Variants in FAM184B observed in about 807,000 individuals in gnomAD.
FAM184B encodes family with sequence similarity 184 member B.
Under a neutral mutation model 135.9 loss-of-function variants are expected in FAM184B, and 111 were observed. The observed-to-expected ratio is 0.82, with a 90% CI of 0.70 to 0.96. The LOEUF (loss-of-function observed/expected upper bound fraction) is 0.96. Ranked by LOEUF, FAM184B falls within the 40% of genes least tolerant of loss-of-function variation. The pLI, the probability that FAM184B is intolerant of heterozygous loss-of-function variation, is 0.00. For synonymous variants in FAM184B, 552 were observed against 524.8 expected (o/e 1.05, Z -0.71); for missense variants, 1,375 against 1,323.9 (o/e 1.04, Z -0.60).
chr4:17,690,049 G>A (rs1716694695), intron 6 of FAM184B, among the ~76,000 whole-genome samples: 1 of 152,048 alleles, frequency 6.6e-6, no homozygotes, highest in African/African-American at 2.4e-5. Context: ...TTGGGAGGCT[G>A]AGGCAGAAGA....
intron 3 of FAM184B, 92 bp from the exon 4 acceptor site, chr4:17,705,983 C>A: frequency 6.7e-7 from 1 of 1,488,656 alleles, no homozygotes. Context: ...TTCCGCTTTA[C>A]AACCACTTTG....
chr4:17,675,670 AGCC>A (rs1716295218), intron 7 of FAM184B, among the ~76,000 whole-genome samples: 4 of 152,232 alleles, frequency 2.6e-5, no homozygotes, highest in Admixed American at 2.6e-4. Context: ...TGTTTAAGTT[AGCC>A]GTTTTCATCA....
At position 17,632,043 on chromosome 4, in the gene FAM184B, A is replaced by ATTTTTTTTTTTTTTTTTTTTT. The variant is rs199549580; in HGVS notation, c.*468_*488dup. ...TTTTAATAACACTGGTTTAATGTCA[A>ATTTTTTTTTTTTTTTTTTTTT]TTTTTTTTTTTTTTTTTTTTTTTTT... On this transcript the variant is annotated 3_prime_UTR_variant, in exon 18 of 18. Transcript: ENST00000265018. 13 of 117,618 alleles carry ATTTTTTTTTTTTTTTTTTTTT rather than the reference A, an allele frequency of 1.1e-4. No individual in the cohort carries two copies. The highest frequency in any genetic ancestry group is 1.6e-4 in the Non-Finnish European group (9 of 56,560). 7.3% of individuals were successfully genotyped at this position (117,618 alleles called of 1,614,324 possible). A position where few individuals can be genotyped will look rare whatever the true frequency, so the allele number is the denominator to read the frequency against.
intron 13 of FAM184B, among the ~76,000 whole-genome samples, chr4:17,641,243 T>C (rs1341657761): frequency 6.6e-6 from 1 of 151,012 alleles, no homozygotes; most frequent in African/African-American, 2.4e-5. Context: ...GAGGCTGGAG[T>C]CTTATCCCCA....
rs761451165 is a variant in FAM184B at position 17,705,813 on chromosome 4, G to A, written c.1109C>T (p.Pro370Leu). The A allele has an allele frequency of 1.9e-6, 3 of 1,552,030 alleles. No individual in the cohort carries two copies. The South Asian group carries it at 3.6e-5, about 18-fold the overall frequency. ...ENDLEAGNLH[P>L]QQDQSCLKEC... ...CTTGAGACAGCTTTGATCCTGCTGA[G>A]GATGAAGATTGCCGGCTTCCAAGTC... is the stretch of plus-strand genomic sequence containing the variant. The change falls in exon 4 of 18, where the codon CCT becomes CTT. Residue 370 changes from proline to leucine, a missense_variant. Pro to Leu is a moderately conservative substitution (Grantham distance 98, BLOSUM62 -3). Coordinates refer to ENST00000265018, the MANE Select transcript of FAM184B (RefSeq NM_015688.2).
At chr4:17,756,471 T>A (rs1718424396) in intron 1 of FAM184B, among the ~76,000 whole-genome samples, 1 of 152,224 alleles carries the variant, frequency 6.6e-6, no homozygotes, top group Non-Finnish European at 1.5e-5. Flanking sequence ...TCATTGGTCA[T>A]CTTTGGAGGA....
intron 5 of FAM184B, among the ~76,000 whole-genome samples, chr4:17,699,630 A>C (rs6837181): frequency 0.61 from 92,848 of 151,780 alleles, 28,967 homozygotes; most frequent in East Asian, 0.93. Context: ...AAAATGAAGG[A>C]AAAATAGAGA....
chr4:17,708,383 G>C (rs915574005), intron 2 of FAM184B, among the ~76,000 whole-genome samples: 1 of 151,930 alleles, frequency 6.6e-6, no homozygotes, highest in Admixed American at 6.6e-5. Flanking sequence ...AGTGGCTCGA[G>C]TCTGTAATCC....
At chr4:17,643,389 C>T (rs1051550534) in intron 12 of FAM184B, among the ~76,000 whole-genome samples, 2 of 152,144 alleles carry the variant, frequency 1.3e-5, no homozygotes, top group Non-Finnish European at 2.9e-5. Context: ...CACTTTCCTT[C>T]TAGAGGGTTC....
intron 7 of FAM184B, among the ~76,000 whole-genome samples, chr4:17,684,327 G>A (rs1716527745): frequency 6.6e-6 from 1 of 151,668 alleles, no homozygotes; most frequent in South Asian, 2.1e-4. Context: ...CATAAGAAGA[G>A]AGAAAATAAA....
chr4:17,709,380 C>A lies in FAM184B; in HGVS notation c.406G>T (p.Val136Leu). 1 of 1,532,732 alleles carries A rather than the reference C, an allele frequency of 6.5e-7. No homozygotes were observed. The highest frequency in any genetic ancestry group is 8.8e-7 in the Non-Finnish European group (1 of 1,135,592). 94.9% of individuals were successfully genotyped at this position (1,532,732 alleles called of 1,614,324 possible). A position where few individuals can be genotyped will look rare whatever the true frequency, so the allele number is the denominator to read the frequency against. ...RLETKERELR[V>L]EAEHAERVLT... ...ACTCGCTCGGCGTGCTCTGCCTCCACCCTCAGCTCTCTCTCCTTCGTCTCC... is the reference window on the plus strand; with the variant it reads ...ACTCGCTCGGCGTGCTCTGCCTCCAACCTCAGCTCTCTCTCCTTCGTCTCC... The change falls in exon 2 of 18, where the codon GTG becomes TTG. Residue 136 changes from valine (V) to leucine (L), a missense_variant. By Grantham distance (32) the Val-to-Leu change is conservative. Coordinates refer to ENST00000265018, the MANE Select transcript of FAM184B (RefSeq NM_015688.2).
chr4:17,635,013 A>C lies in FAM184B; in HGVS notation c.2885T>G (p.Met962Arg). The change falls in exon 16 of 18, where the codon ATG becomes AGG. Residue 962 changes from methionine (M) to arginine (R), a missense_variant. Met to Arg is a moderately conservative substitution (Grantham distance 91). Coordinates refer to ENST00000265018, the MANE Select transcript of FAM184B (RefSeq NM_015688.2). ...AAACCATTAGAACCAATTTACCTTCATGGAAGGGGTCAAATATCCCGGGTG... is the reference window on the plus strand; with the variant it reads ...AAACCATTAGAACCAATTTACCTTCCTGGAAGGGGTCAAATATCCCGGGTG... Reference protein sequence around the residue: ...NPHPGYLTPSMKKKKVEDVPS... With the variant: ...NPHPGYLTPSRKKKKVEDVPS... The C allele has an allele frequency of 6.4e-7, 1 of 1,551,176 alleles. No homozygotes were observed. The highest frequency in any genetic ancestry group is 8.7e-7 in the Non-Finnish European group (1 of 1,146,310).
chr4:17,685,184 T>C (rs1029544767), intron 7 of FAM184B, among the ~76,000 whole-genome samples: 2 of 142,374 alleles, frequency 1.4e-5, no homozygotes, highest in African/African-American at 5.3e-5. Context: ...ATCCTGCACA[T>C]GTACCCTGGA....
intron 5 of FAM184B, among the ~76,000 whole-genome samples, chr4:17,701,555 C>T (rs1458720244): frequency 6.6e-6 from 1 of 152,192 alleles, no homozygotes; most frequent in East Asian, 1.9e-4. Flanking sequence ...GATCAGAGCC[C>T]TCCTCTTATT....
chr4:17,704,507 G>A (rs1039021352), intron 5 of FAM184B, among the ~76,000 whole-genome samples: 1 of 152,172 alleles, frequency 6.6e-6, no homozygotes, highest in Admixed American at 6.5e-5. Flanking sequence ...TACTCTACAA[G>A]GTGCTATTAT....
rs79374235 is a variant in FAM184B, at chr4:17,773,043, G to C, written c.141+8116C>G. On this transcript the variant is annotated intron_variant, in intron 1 of 17. Coordinates refer to ENST00000265018, the MANE Select transcript of FAM184B (RefSeq NM_015688.2). ...GCTATGGAAACATCAGGATGAACAG[G>C]GAAGAGACTTCCCCACCTCCCTCTC... Among the ~76,000 whole-genome samples the C allele has an allele frequency of 2.9e-3, 448 of 152,254 alleles. 3 individuals carry two copies. Among genetic ancestry groups the C allele is most frequent in the African/African-American group, 0.01 (428 of 41,548 alleles).
At chr4:17,731,054 G>A (rs926118654) in intron 1 of FAM184B, among the ~76,000 whole-genome samples, 1 of 152,130 alleles carries the variant, frequency 6.6e-6, no homozygotes, top group Admixed American at 6.6e-5. Flanking sequence ...ATAAAACCCA[G>A]AATTTCATAT....
intron 5 of FAM184B, among the ~76,000 whole-genome samples, chr4:17,698,328 A>G (rs748377765): frequency 6.6e-6 from 1 of 152,202 alleles, no homozygotes; most frequent in Non-Finnish European, 1.5e-5. Flanking sequence ...ACGTAGATAC[A>G]GGACTCACAC....
At position 17,707,757 on chromosome 4, in the gene FAM184B, G is replaced by A. The variant is rs766477905; in HGVS notation, c.922C>T (p.Arg308Ter). 3.9e-6 allele frequency: 6 copies of A among 1,551,772 alleles called. No homozygotes were observed. Among genetic ancestry groups the A allele is most frequent in the East Asian group, 2.4e-5 (1 of 40,940 alleles). The change falls in exon 3 of 18, where the codon CGA (arginine) becomes TGA (stop). Residue 308 changes from arginine (R) to a stop codon, truncating the protein, a stop_gained. Transcript: ENST00000265018. LOFTEE classifies it high-confidence loss of function. ...QDLDVQLKEA[R>*]QENSELKGTA... ...CCTTTCAACTCTGAATTCTCCTGTC[G>A]AGCCTCCTTAAGCTGCACATCCAGG...
Sources: gnomAD v4.1 joint callset for allele counts (sites outside exome capture counted in the v4.1 genomes callset) on GRCh38, gnomAD v4.1.1 for gene constraint, MANE v1.5 for transcripts, NCBI Gene and HGNC (gene_info 2026-07-23, HGNC 2026-07-21) for gene names.